The following ATP8A1 variants were observed in gnomAD, a reference collection of about 807,000 sequenced individuals.
ATP8A1 encodes the protein ATPase phospholipid transporting 8A1, also known as phospholipid-transporting ATPase IA.
ATP8A1 carries 90 observed loss-of-function variants against 177.7 expected under a neutral mutation model. The observed-to-expected ratio is 0.51, with a 90% CI of 0.43 to 0.60. The LOEUF (loss-of-function observed/expected upper bound fraction) is 0.60. Among genes scored for constraint, ATP8A1 ranks in the 20% least tolerant of loss-of-function variants. The pLI, the probability that ATP8A1 is intolerant of heterozygous loss-of-function variation, is 0.00. For missense variants in ATP8A1, 1,072 were observed against 1,392.8 expected (o/e 0.77, Z 3.67); for synonymous variants, 493 against 485.9 (o/e 1.01, Z -0.19).
At chr4:42,529,045 C>T (rs1726993361) in intron 20 of ATP8A1, among the ~76,000 whole-genome samples, 1 of 152,142 alleles carries the variant, frequency 6.6e-6, no homozygotes, top group Non-Finnish European at 1.5e-5. Flanking sequence ...GCATCACATT[C>T]CTTATCTAGG....
intron 25 of ATP8A1, among the ~76,000 whole-genome samples, chr4:42,480,526 G>A (rs892701276): frequency 1.3e-5 from 2 of 152,174 alleles, no homozygotes; most frequent in Admixed American, 6.5e-5. Flanking sequence ...TTAAAGGAAT[G>A]TCTGTTGAGC....
intron 5 of ATP8A1, among the ~76,000 whole-genome samples, chr4:42,614,143 A>C (rs1165991923): frequency 2.6e-5 from 4 of 152,220 alleles, no homozygotes; most frequent in African/African-American, 9.6e-5. Flanking sequence ...CAAGAAATAA[A>C]ATTTTATCTG....
At chr4:42,569,908 C>T (rs1184485922) in intron 14 of ATP8A1, among the ~76,000 whole-genome samples, 3 of 152,100 alleles carry the variant, frequency 2.0e-5, no homozygotes, top group Non-Finnish European at 4.4e-5. Flanking sequence ...GTCATGTATT[C>T]AATTGGAAGG....
rs1273782348 is a variant in ATP8A1, at chr4:42,519,200, T to C, written c.1947+2960A>G. On this transcript the variant is annotated intron_variant, in intron 22 of 36. Transcript: ENST00000381668. ...TCTCCTGGGCTCAGGCAATTCTCCC[T>C]GCCTTAGGCCTCCTGAGTAGCTGGG... Among the ~76,000 whole-genome samples the C allele has an allele frequency of 2.0e-5, 3 of 152,074 alleles. 1 individual carries two copies. Among genetic ancestry groups the C allele is most frequent in the Non-Finnish European group, 4.4e-5 (3 of 68,004 alleles).
chr4:42,482,194 T>G (rs1721739523), intron 25 of ATP8A1, among the ~76,000 whole-genome samples: 1 of 16,560 alleles, frequency 6.0e-5, no homozygotes. Context: ...TTCCAGCTAC[T>G]CGGGAGCTGA....
chr4:42,571,667 GT>G (rs748236549), intron 14 of ATP8A1, among the ~76,000 whole-genome samples: 2 of 151,986 alleles, frequency 1.3e-5, no homozygotes, highest in Non-Finnish European at 2.9e-5. Flanking sequence ...AAAATGTCTG[GT>G]TTGTCATAAG....
intron 7 of ATP8A1, among the ~76,000 whole-genome samples, chr4:42,590,456 C>A (rs1158320044): frequency 6.6e-6 from 1 of 152,020 alleles, no homozygotes; most frequent in Non-Finnish European, 1.5e-5. Flanking sequence ...TAACATTATT[C>A]AAAATAATAT....
chr4:42,557,512 C>T (rs1730363510), intron 15 of ATP8A1, among the ~76,000 whole-genome samples: 1 of 152,076 alleles, frequency 6.6e-6, no homozygotes, highest in Non-Finnish European at 1.5e-5. Context: ...GACTAAAAGC[C>T]GTTTAAATCT....
intron 5 of ATP8A1, among the ~76,000 whole-genome samples, chr4:42,608,178 G>A (rs527643356): frequency 4.6e-5 from 7 of 152,224 alleles, no homozygotes; most frequent in South Asian, 2.1e-4. Flanking sequence ...AAAGGCCCTG[G>A]AGGAAGTGGC....
Position 42,507,053 on chromosome 4 carries a change from G to A in ATP8A1, c.2049C>T (p.Ile683=), listed in dbSNP as rs1427556593. 2 of 1,613,860 alleles carry A rather than the reference G, an allele frequency of 1.2e-6. No individual in the cohort carries two copies. The highest frequency in any genetic ancestry group is 1.7e-5 in the Admixed American group (1 of 59,998). The change falls in exon 23 of 37, where the codon ATC becomes ATT. Residue 683 remains isoleucine, a synonymous_variant. Transcript: ENST00000381668. The stretch of plus-strand genomic sequence containing the variant: ...CAGTTTCTTGCTTGTCCCCTGTAAG[G>A]ATCCAGATTTTGATGTCTGCTTTCA... ...TLMKADIKIW[I]LTGDKQETAI...
intron 12 of ATP8A1, among the ~76,000 whole-genome samples, chr4:42,576,769 A>T (rs1732505365): frequency 6.6e-6 from 1 of 152,204 alleles, no homozygotes; most frequent in South Asian, 2.1e-4. Context: ...AGATTAACCA[A>T]CTGGGCCTTT....
At chr4:42,419,887 C>T (rs921050893) in intron 35 of ATP8A1, among the ~76,000 whole-genome samples, 8 of 152,102 alleles carry the variant, frequency 5.3e-5, no homozygotes, top group African/African-American at 1.9e-4. Context: ...CCTGTAATCC[C>T]AGCTACTAGG....
At chr4:42,551,822 G>A (rs1560449537) in intron 17 of ATP8A1, among the ~76,000 whole-genome samples, 1 of 152,134 alleles carries the variant, frequency 6.6e-6, no homozygotes. Flanking sequence ...CTAATGATAT[G>A]AGACATAACA....
At chr4:42,468,164 T>A (rs2153184178) in intron 25 of ATP8A1, among the ~76,000 whole-genome samples, 1 of 152,310 alleles carries the variant, frequency 6.6e-6, no homozygotes, top group Admixed American at 6.5e-5. Context: ...TGGAAAACAG[T>A]GTGGAGATTC....
chr4:42,527,281 T>C (rs890221497), intron 20 of ATP8A1, among the ~76,000 whole-genome samples: 1 of 152,174 alleles, frequency 6.6e-6, no homozygotes, highest in Non-Finnish European at 1.5e-5. Flanking sequence ...ATGCGTAGCC[T>C]CAACAGGTGT....
At chr4:42,429,829 T>C (rs1017250843) in intron 33 of ATP8A1, among the ~76,000 whole-genome samples, 5 of 152,204 alleles carry the variant, frequency 3.3e-5, no homozygotes, top group African/African-American at 9.7e-5. Context: ...CGTTACAACA[T>C]GGATGAACCC....
At chr4:42,644,828 G>C (rs1191902671) in intron 1 of ATP8A1, among the ~76,000 whole-genome samples, 1 of 151,586 alleles carries the variant, frequency 6.6e-6, no homozygotes, top group Non-Finnish European at 1.5e-5. Flanking sequence ...ACCTATAAAA[G>C]ATTATTTCAT....
chr4:42,623,109 AATT>A (rs1737667447), intron 4 of ATP8A1, among the ~76,000 whole-genome samples: 1 of 152,140 alleles, frequency 6.6e-6, no homozygotes, highest in Non-Finnish European at 1.5e-5. Flanking sequence ...CAACATCACC[AATT>A]ATTAGAGAAA....
chr4:42,414,943 CCTT>C (rs1260551275), intron 35 of ATP8A1: 3 of 502,642 alleles, frequency 6.0e-6, no homozygotes, highest in Non-Finnish European at 1.1e-5. Context: ...CCCCAATAAT[CCTT>C]CTCCCAGTAA....
Sources: allele counts gnomAD v4.1 joint callset (sites outside exome capture counted in the v4.1 genomes callset), GRCh38; gene constraint gnomAD v4.1.1; transcripts MANE v1.5; gene names NCBI Gene and HGNC (gene_info 2026-07-23, HGNC 2026-07-21).